Variants in MDGA2 observed in about 807,000 individuals in gnomAD.
MDGA2 encodes MAM domain containing glycosylphosphatidylinositol anchor 2.
A neutral mutation model predicts 117.8 loss-of-function variants in MDGA2; 40 were observed. The observed-to-expected ratio is 0.34, with a 90% CI of 0.26 to 0.44. The LOEUF is 0.44. MDGA2 is among the 20% of genes least tolerant of loss of function. The probability of loss-of-function intolerance (pLI) is 1.00; values close to 1 mark genes in which losing one functional copy is unlikely to be tolerated. For missense variants in MDGA2, 1,123 were observed against 1,250.6 expected, an observed-to-expected ratio of 0.90 and a Z score of 1.54; for synonymous variants, 452 against 439.0, an observed-to-expected ratio of 1.03 and a Z score of -0.37.
chr14:46,991,121 T>C (rs1221249153), intron 8 of MDGA2, among the ~76,000 whole-genome samples: 1 of 152,112 alleles, frequency 6.6e-6, no homozygotes, highest in Non-Finnish European at 1.5e-5. Flanking sequence ...CATTTTTTAT[T>C]ATTATGAATG....
intron 3 of MDGA2, among the ~76,000 whole-genome samples, chr14:47,206,420 G>A (rs532570863): frequency 1.1e-4 from 16 of 151,564 alleles, no homozygotes; most frequent in South Asian, 2.1e-4. Context: ...GTGAGACCTC[G>A]TCTGTACAGA....
intron 1 of MDGA2, among the ~76,000 whole-genome samples, chr14:47,540,540 G>GTGTATGTGTATATA: frequency 2.5e-5 from 2 of 79,188 alleles, no homozygotes; most frequent in African/African-American, 7.8e-5. Flanking sequence ...GTGTGTGTGT[G>GTGTATGTGTATATA]TATATATATA....
intron 1 of MDGA2, among the ~76,000 whole-genome samples, chr14:47,569,248 T>C (rs1895975038): frequency 6.6e-6 from 1 of 152,188 alleles, no homozygotes; most frequent in South Asian, 2.1e-4. Flanking sequence ...TGAAATAATA[T>C]GTGTTTTTAG....
chr14:46,915,859 G>C (rs1053921209), intron 10 of MDGA2, among the ~76,000 whole-genome samples: 1 of 152,218 alleles, frequency 6.6e-6, no homozygotes, highest in East Asian at 1.9e-4. Flanking sequence ...TAAACACAGC[G>C]GCCAGGCTTC....
chr14:47,395,527 T>A (rs1020547852), intron 1 of MDGA2, among the ~76,000 whole-genome samples: 34 of 152,302 alleles, frequency 2.2e-4, no homozygotes, highest in African/African-American at 7.9e-4. Context: ...AAATGTTTTT[T>A]AAATAATTTA....
At chr14:47,349,917 C>T (rs183619790) in intron 1 of MDGA2, among the ~76,000 whole-genome samples, 1 of 152,326 alleles carries the variant, frequency 6.6e-6, no homozygotes, top group East Asian at 1.9e-4. Flanking sequence ...GTGAGAGGCA[C>T]TGGCAGGAGA....
intron 9 of MDGA2, among the ~76,000 whole-genome samples, chr14:46,948,497 T>C (rs1414125982): frequency 1.3e-5 from 2 of 151,974 alleles, no homozygotes; most frequent in Admixed American, 6.6e-5. Context: ...CAGTTTGAAA[T>C]ACTCTAGGTC....
At chr14:47,310,397 C>T (rs755198657) in intron 1 of MDGA2, among the ~76,000 whole-genome samples, 2 of 152,082 alleles carry the variant, frequency 1.3e-5, no homozygotes, top group Non-Finnish European at 2.9e-5. Flanking sequence ...TGGCTGTTCC[C>T]GCCCTAAGTC....
intron 1 of MDGA2, among the ~76,000 whole-genome samples, chr14:47,516,905 G>A (rs1894764354): frequency 6.6e-6 from 1 of 152,060 alleles, no homozygotes; most frequent in African/African-American, 2.4e-5. Flanking sequence ...GCTAGAAAAT[G>A]ATTAGAAAAT....
chr14:47,281,198 T>A (rs1888477767), intron 2 of MDGA2, among the ~76,000 whole-genome samples: 1 of 149,564 alleles, frequency 6.7e-6, no homozygotes, highest in East Asian at 1.9e-4. Flanking sequence ...TTTTAAGTAT[T>A]TTTTTTTCAA....
chr14:47,664,181 T>C (rs1356514477), intron 1 of MDGA2, among the ~76,000 whole-genome samples: 1 of 152,154 alleles, frequency 6.6e-6, no homozygotes, highest in African/African-American at 2.4e-5. Context: ...AAATACAATA[T>C]CAAATTGCAT....
At chr14:46,987,893 A>T (rs557544081) in intron 8 of MDGA2, among the ~76,000 whole-genome samples, 5 of 144,288 alleles carry the variant, frequency 3.5e-5, no homozygotes, top group African/African-American at 1.3e-4. Flanking sequence ...GGAACTATAT[A>T]TGCCAAAAAG....
At chr14:47,095,468 T>A (rs1879907155) in intron 6 of MDGA2, among the ~76,000 whole-genome samples, 1 of 151,940 alleles carries the variant, frequency 6.6e-6, no homozygotes, top group Non-Finnish European at 1.5e-5. Context: ...TTTATTGGCC[T>A]TTTTATGCAG....
chr14:46,863,464 A>T (rs536173969), intron 14 of MDGA2, among the ~76,000 whole-genome samples: 20 of 152,190 alleles, frequency 1.3e-4, no homozygotes, highest in Non-Finnish European at 2.6e-4. Context: ...ATTGAACAGA[A>T]ATGAGTGAAT....
intron 14 of MDGA2, among the ~76,000 whole-genome samples, chr14:46,867,162 AC>A (rs1289051549): frequency 6.6e-6 from 1 of 152,210 alleles, no homozygotes; most frequent in Non-Finnish European, 1.5e-5. Context: ...ACAATGATAG[AC>A]TGGATTAAGA....
chr14:47,575,621 T>C (rs1234569675), intron 1 of MDGA2, among the ~76,000 whole-genome samples: 1 of 152,154 alleles, frequency 6.6e-6, no homozygotes, highest in African/African-American at 2.4e-5. Flanking sequence ...AAACTTTGGA[T>C]GTTTTGCCAT....
At chr14:46,859,682 A>G (rs1244387615) in intron 14 of MDGA2, among the ~76,000 whole-genome samples, 1 of 151,918 alleles carries the variant, frequency 6.6e-6, no homozygotes, top group Non-Finnish European at 1.5e-5. Flanking sequence ...TTTCTAATAT[A>G]TTTTGCCCAT....
rs1566504353 is a variant in MDGA2 at position 47,537,573 on chromosome 14, T to TAAAAA, written c.280+136943_280+136944insTTTTT. Among the ~76,000 whole-genome samples the TAAAAA allele has an allele frequency of 4.5e-3, 257 of 57,072 alleles. 40 individuals carry two copies. Among genetic ancestry groups the TAAAAA allele is most frequent in the African/African-American group, 7.7e-3 (133 of 17,164 alleles). The allele number at this position is 57,072 out of a possible 152,430, so 37.4% of individuals were successfully genotyped here. The stretch of plus-strand genomic sequence containing the variant: ...ATTATCCACTGTTACCTTCTCTCTG[T>TAAAAA]TAAAAAAAAAAAAAAAAAAAAAAAA... On this transcript the variant is annotated intron_variant, in intron 1 of 16. Coordinates refer to ENST00000399232, the MANE Select transcript of MDGA2 (RefSeq NM_001113498.3).
At chr14:47,234,391 A>T (rs575343701) in intron 2 of MDGA2, among the ~76,000 whole-genome samples, 2 of 152,194 alleles carry the variant, frequency 1.3e-5, no homozygotes, top group East Asian at 3.9e-4. Flanking sequence ...GTTTGGACAT[A>T]TCTGAAATTT....
Sources: allele counts gnomAD v4.1 joint callset (sites outside exome capture counted in the v4.1 genomes callset), GRCh38; gene constraint gnomAD v4.1.1; transcripts MANE v1.5; gene names NCBI Gene and HGNC (gene_info 2026-07-23, HGNC 2026-07-21).